Variants in EPHA5 observed in about 807,000 individuals in gnomAD.
The protein encoded by EPHA5 is ephrin type-A receptor 5.
Under a neutral mutation model 105.0 loss-of-function variants are expected in EPHA5, and 60 were observed. That is an observed-to-expected ratio of 0.57 (90% confidence interval 0.46 to 0.71). EPHA5 has a LOEUF of 0.71. EPHA5 is among the 30% of genes least tolerant of loss of function. The pLI is 0.00. For synonymous variants in EPHA5, 513 were observed against 449.1 expected, an observed-to-expected ratio of 1.14 and a Z score of -1.80; for missense variants, 1,218 against 1,274.7, an observed-to-expected ratio of 0.96 and a Z score of 0.68.
chr4:65,367,229 AC>A, intron 9 of EPHA5, 127 bp downstream of exon 9: 1 of 768,822 alleles, frequency 1.3e-6, no homozygotes. Flanking sequence ...AACAAATAGA[AC>A]ACTTTTAAAA....
At chr4:65,369,624 A>G (rs1433300069) in intron 8 of EPHA5, among the ~76,000 whole-genome samples, 1 of 152,172 alleles carries the variant, frequency 6.6e-6, no homozygotes, top group East Asian at 1.9e-4. Flanking sequence ...AACTACATAT[A>G]TATTACAAAA....
intron 3 of EPHA5, among the ~76,000 whole-genome samples, chr4:65,547,034 C>A (rs1463796294): frequency 2.6e-5 from 4 of 151,928 alleles, no homozygotes; most frequent in Admixed American, 1.3e-4. Flanking sequence ...TCACTGCAAC[C>A]TTAAATATAG....
intron 14 of EPHA5, among the ~76,000 whole-genome samples, chr4:65,339,713 TA>T (rs111888096): frequency 0.1 from 15,177 of 152,206 alleles, 790 homozygotes; most frequent in Middle Eastern, 0.14. Flanking sequence ...GGCTGGAGCC[TA>T]TCCCAGCAGC....
rs1325567667 is a variant in EPHA5, at chr4:65,322,972, T to TA, written c.*1141dup. ...ATGCTTCGTGCTATGTGCCTGGATT[T>TA]AACAACATTAACAGAAGCCTGCACA... On this transcript the variant is annotated 3_prime_UTR_variant, in exon 17 of 17. Coordinates refer to ENST00000613740, the MANE Select transcript of EPHA5 (RefSeq NM_001281766.3). 4.4e-6 allele frequency: 1 copy of TA among 229,234 alleles called. No homozygotes were observed. Among genetic ancestry groups the TA allele is most frequent in the East Asian group, 6.2e-5 (1 of 16,238 alleles). The allele number at this position is 229,234 out of a possible 1,614,324, so 14.2% of individuals were successfully genotyped here. A position where few individuals can be genotyped will look rare whatever the true frequency, so the allele number is the denominator to read the frequency against.
At chr4:65,479,914 G>A (rs1730192019) in intron 5 of EPHA5, among the ~76,000 whole-genome samples, 1 of 152,218 alleles carries the variant, frequency 6.6e-6, no homozygotes, top group South Asian at 2.1e-4. Context: ...GCTCTTTAGT[G>A]TAGATAAATG....
At chr4:65,395,133 C>T (rs562123709) in intron 8 of EPHA5, among the ~76,000 whole-genome samples, 10 of 152,106 alleles carry the variant, frequency 6.6e-5, no homozygotes, top group Non-Finnish European at 1.2e-4. Flanking sequence ...AAGAACTGTG[C>T]CAGGCATGTA....
At chr4:65,597,460 A>G (rs1743299857) in intron 3 of EPHA5, among the ~76,000 whole-genome samples, 1 of 114,314 alleles carries the variant, frequency 8.7e-6, no homozygotes, top group African/African-American at 4.2e-5. Context: ...TTTTTTACTA[A>G]AAAAAAAAAG....
intron 5 of EPHA5, among the ~76,000 whole-genome samples, chr4:65,430,619 A>G (rs547954905): frequency 2.6e-4 from 39 of 152,194 alleles, no homozygotes; most frequent in Admixed American, 4.6e-4. Context: ...AGGAAGTAGA[A>G]ACTATTATCG....
chr4:65,347,983 A>G (rs2148840900), intron 14 of EPHA5, 71 bp downstream of exon 14: 1 of 1,396,872 alleles, frequency 7.2e-7, no homozygotes, highest in South Asian at 1.6e-5. Context: ...CAGAAATGAA[A>G]AACATTGTGT....
intron 3 of EPHA5, among the ~76,000 whole-genome samples, chr4:65,554,981 CAAA>C (rs71205383): frequency 2.8e-3 from 256 of 92,270 alleles, no homozygotes; most frequent in Admixed American, 4.2e-3. Context: ...TATACAACAG[CAAA>C]AAAAAAAAAA....
Position 65,333,613 on chromosome 4 carries a change from C to CTTTT in EPHA5, c.2790-1489_2790-1486dup, listed in dbSNP as rs778146562. On this transcript the variant is annotated intron_variant, in intron 15 of 16. Coordinates refer to ENST00000613740, the MANE Select transcript of EPHA5 (RefSeq NM_001281766.3). ...CCCTCAATCTCCTTTGCCTGCTAGTCTTTTTTTTTTTTTTTTTTTTCCTGA... is the reference window on the plus strand; with the variant it reads ...CCCTCAATCTCCTTTGCCTGCTAGTCTTTTTTTTTTTTTTTTTTTTTTTTCCTGA... Among the ~76,000 whole-genome samples, 365 of 79,176 alleles carry CTTTT rather than the reference C, an allele frequency of 4.6e-3. 33 individuals carry two copies. The highest frequency in any genetic ancestry group is 0.046 in the East Asian group (107 of 2,342). 51.9% of individuals were successfully genotyped at this position (79,176 alleles called of 152,430 possible). A position where few individuals can be genotyped will look rare whatever the true frequency, so the allele number is the denominator to read the frequency against.
rs1341530122 is a variant in EPHA5, at chr4:65,332,093, C to G, written c.2825G>C (p.Gly942Ala). 1.9e-6 allele frequency: 3 copies of G among 1,609,930 alleles called. No individual in the cohort carries two copies. The East Asian group carries it at 6.7e-5, about 36-fold the overall frequency. The part of the protein sequence containing the change: ...SNLLAEHSPL[G>A]SGAYRSVGEW... Reference sequence around the variant, plus strand: ...ACCTACTGATCTGTAGGCCCCAGATCCTAGTGGGCTATGTTCTGCCAATAA... The same window carrying G: ...ACCTACTGATCTGTAGGCCCCAGATGCTAGTGGGCTATGTTCTGCCAATAA... The change falls in exon 16 of 17, where the codon GGA becomes GCA. Residue 942 changes from glycine (G) to alanine (A), a missense_variant. Physicochemically the swap from Gly to Ala is moderately conservative, Grantham distance 60 (BLOSUM62 0). Coordinates refer to ENST00000613740, the MANE Select transcript of EPHA5 (RefSeq NM_001281766.3).
intron 11 of EPHA5, among the ~76,000 whole-genome samples, chr4:65,354,530 A>T (rs564075859): frequency 1.3e-5 from 2 of 151,784 alleles, no homozygotes; most frequent in African/African-American, 4.8e-5. Context: ...ACCTATGATA[A>T]TAAAATTACC....
rs1719664582 is a variant in EPHA5 at position 65,382,575 on chromosome 4, A to T, written c.1794-15151T>A. ...TCATTATTAGTAAACATTTACTGAG[A>T]ATCTATATGCTATTCTTTAATAGTG... On this transcript the variant is annotated intron_variant, in intron 8 of 16. Transcript: ENST00000613740. Among the ~76,000 whole-genome samples, 3 of 151,880 alleles carry T rather than the reference A, an allele frequency of 2.0e-5. No homozygotes were observed. The South Asian group carries it at 6.2e-4, about 31-fold the overall frequency.
At chr4:65,533,039 G>A (rs936380610) in intron 3 of EPHA5, among the ~76,000 whole-genome samples, 4 of 151,918 alleles carry the variant, frequency 2.6e-5, no homozygotes, top group Non-Finnish European at 5.9e-5. Context: ...CACACACTCA[G>A]TCAAACTTTC....
At chr4:65,351,643 TG>T (rs1234337357) in intron 12 of EPHA5, 45 bp from the exon 13 acceptor site, 1 of 1,559,070 alleles carries the variant, frequency 6.4e-7, no homozygotes, top group African/African-American at 1.4e-5. Context: ...CACCAATCAC[TG>T]GGGGAAAATA....
At chr4:65,543,519 A>C (rs1737054741) in intron 3 of EPHA5, among the ~76,000 whole-genome samples, 1 of 152,070 alleles carries the variant, frequency 6.6e-6, no homozygotes. Context: ...CTAACAAGGG[A>C]TGTGAAGGAC....
intron 2 of EPHA5, among the ~76,000 whole-genome samples, chr4:65,610,274 C>A (rs902363272): frequency 6.6e-6 from 1 of 152,058 alleles, no homozygotes; most frequent in African/African-American, 2.4e-5. Flanking sequence ...CAAACTAACA[C>A]AGAAACGGAA....
chr4:65,365,277 G>A, intron 10 of EPHA5, 75 bp from the exon 11 acceptor site: 1 of 1,205,200 alleles, frequency 8.3e-7, no homozygotes, highest in Non-Finnish European at 1.2e-6. Context: ...TGCCCTCTTA[G>A]ACTACTAAGG....
Sources: gnomAD v4.1 joint callset for allele counts (sites outside exome capture counted in the v4.1 genomes callset) on GRCh38, gnomAD v4.1.1 for gene constraint, MANE v1.5 for transcripts, NCBI Gene and HGNC (gene_info 2026-07-23, HGNC 2026-07-21) for gene names.